GRM7: variants seen among roughly 807,000 people sequenced by gnomAD.
The protein encoded by GRM7 is glutamate metabotropic receptor 7, also known as metabotropic glutamate receptor 7.
In GRM7, 35 loss-of-function variants were observed where a neutral mutation model predicts 84.5. That is an observed-to-expected ratio of 0.41 (90% CI 0.32 to 0.55). GRM7 has a LOEUF of 0.55. Ranked by LOEUF, GRM7 falls within the 20% of genes least tolerant of loss-of-function variation. The probability of loss-of-function intolerance (pLI) is 0.19; values close to 1 mark genes in which losing one functional copy is unlikely to be tolerated. For synonymous variants in GRM7, 487 were observed against 455.1 expected, an observed-to-expected ratio of 1.07 and a Z score of -0.89; for missense variants, 1,003 against 1,194.6, an observed-to-expected ratio of 0.84 and a Z score of 2.36.
chr3:7,721,320 G>A (rs879535395), intron 9 of GRM7, among the ~76,000 whole-genome samples: 4 of 152,160 alleles, frequency 2.6e-5, no homozygotes, highest in Non-Finnish European at 5.9e-5. Flanking sequence ...GTTGTTTTGG[G>A]TGTTGGATAC....
chr3:7,720,077 G>C (rs1250694520), intron 9 of GRM7, among the ~76,000 whole-genome samples: 1 of 152,030 alleles, frequency 6.6e-6, no homozygotes, highest in African/African-American at 2.4e-5. Context: ...CATCACACTG[G>C]ATCCTCCCAA....
intron 1 of GRM7, among the ~76,000 whole-genome samples, chr3:7,033,122 G>T (rs1350740476): frequency 2.0e-5 from 3 of 152,140 alleles, no homozygotes; most frequent in Non-Finnish European, 4.4e-5. Flanking sequence ...TCCTTGATTT[G>T]TAAATGCATC....
chr3:7,248,340 G>T (rs1697851676), intron 2 of GRM7, among the ~76,000 whole-genome samples: 1 of 152,142 alleles, frequency 6.6e-6, no homozygotes, highest in Non-Finnish European at 1.5e-5. Context: ...TTAAACATAT[G>T]TCAGATAAAG....
In GRM7 at chr3:7,537,581, AT is replaced by A. The variant is rs371065225; in HGVS notation, c.1516-40836del. Among the ~76,000 whole-genome samples, 106 of 152,284 alleles carry A rather than the reference AT, an allele frequency of 7.0e-4. 3 individuals carry two copies. In the South Asian group the frequency reaches 0.018, roughly 25 times the overall value. ...TCAATGTAAAGGTCCACAGGCACTT[AT>A]TTTTCATGTTGTGTTTACCAAAACA... On this transcript the variant is annotated intron_variant, in intron 7 of 9. Transcript: ENST00000357716.
chr3:7,155,217 T>C (rs1265980065), intron 2 of GRM7, among the ~76,000 whole-genome samples: 2 of 152,144 alleles, frequency 1.3e-5, no homozygotes, highest in Non-Finnish European at 2.9e-5. Context: ...GTTTGGCTTT[T>C]GGGAAAATAG....
chr3:7,274,428 T>C (rs999469614), intron 2 of GRM7, among the ~76,000 whole-genome samples: 3 of 152,124 alleles, frequency 2.0e-5, no homozygotes, highest in African/African-American at 7.2e-5. Flanking sequence ...TAACATTTTT[T>C]ACAAGGCAGG....
chr3:6,922,985 A>ATTTTC (rs1213553254), intron 1 of GRM7, among the ~76,000 whole-genome samples: 1 of 151,718 alleles, frequency 6.6e-6, no homozygotes, highest in African/African-American at 2.4e-5. Flanking sequence ...TCAAACAAAC[A>ATTTTC]TTTTCTTTTC....
chr3:7,184,304 T>C (rs1265360333), intron 2 of GRM7, among the ~76,000 whole-genome samples: 2 of 152,158 alleles, frequency 1.3e-5, no homozygotes, highest in African/African-American at 4.8e-5. Flanking sequence ...GCCCCTACTG[T>C]GATCTGTTTT....
chr3:6,938,011 T>C (rs1421902222), intron 1 of GRM7, among the ~76,000 whole-genome samples: 1 of 152,180 alleles, frequency 6.6e-6, no homozygotes, highest in East Asian at 1.9e-4. Context: ...GTTAAGAAAT[T>C]GGCTATGATG....
intron 1 of GRM7, among the ~76,000 whole-genome samples, chr3:6,988,686 G>A (rs1694519038): frequency 1.3e-5 from 2 of 152,132 alleles, no homozygotes; most frequent in Admixed American, 6.5e-5. Flanking sequence ...AGAAATTGAA[G>A]CCTTAAAATT....
chr3:7,328,089 A>G (rs769974196), intron 4 of GRM7, among the ~76,000 whole-genome samples: 2 of 152,198 alleles, frequency 1.3e-5, no homozygotes, highest in Non-Finnish European at 2.9e-5. Context: ...ATCCCACTGC[A>G]AAACCAACTA....
intron 2 of GRM7, among the ~76,000 whole-genome samples, chr3:7,202,752 C>T (rs1575026069): frequency 6.6e-6 from 1 of 152,112 alleles, no homozygotes; most frequent in South Asian, 2.1e-4. Context: ...CCTAGATCTT[C>T]GGAGCCAAAA....
At chr3:7,262,247 T>C (rs1037809092) in intron 2 of GRM7, among the ~76,000 whole-genome samples, 2 of 152,118 alleles carry the variant, frequency 1.3e-5, no homozygotes, top group Non-Finnish European at 2.9e-5. Context: ...TTTCTTTCAG[T>C]GACATAATTA....
intron 8 of GRM7, among the ~76,000 whole-genome samples, chr3:7,598,942 C>A (rs1696179053): frequency 6.6e-6 from 1 of 152,042 alleles, no homozygotes; most frequent in African/African-American, 2.4e-5. Context: ...TTAATGAGAC[C>A]AAAGGGCAAG....
chr3:7,099,326 T>TGTACACATGTATTATACATGTATATAA (rs1698979510), intron 1 of GRM7, among the ~76,000 whole-genome samples: 5 of 146,820 alleles, frequency 3.4e-5, no homozygotes, highest in Admixed American at 6.8e-5. Flanking sequence ...CATGTATATA[T>TGTACACATGTATTATACATGTATATAA]GTACACATGT....
At chr3:7,159,804 A>C (rs952881325) in intron 2 of GRM7, among the ~76,000 whole-genome samples, 11 of 152,166 alleles carry the variant, frequency 7.2e-5, no homozygotes, top group South Asian at 4.1e-4. Flanking sequence ...GACGTCTCCT[A>C]CTTTTCAAAA....
intron 8 of GRM7, among the ~76,000 whole-genome samples, chr3:7,612,385 G>C: frequency 6.6e-6 from 1 of 152,128 alleles, no homozygotes; most frequent in South Asian, 2.1e-4. Flanking sequence ...CCAGGCCCTG[G>C]GCTAAGATGT....
At chr3:7,572,636 C>G (rs1239357) in intron 7 of GRM7, among the ~76,000 whole-genome samples, 48,527 of 149,282 alleles carry the variant, frequency 0.33, 8,097 homozygotes, top group African/African-American at 0.38. Context: ...TGGCTAACAC[C>G]GTGAAACCCC....
chr3:7,032,769 T>C (rs1267611153), intron 1 of GRM7, among the ~76,000 whole-genome samples: 1 of 152,206 alleles, frequency 6.6e-6, no homozygotes, highest in African/African-American at 2.4e-5. Context: ...GGGGATCCTT[T>C]GACAATCTTC....
Sources: allele counts gnomAD v4.1 joint callset (sites outside exome capture counted in the v4.1 genomes callset), GRCh38; gene constraint gnomAD v4.1.1; transcripts MANE v1.5; gene names NCBI Gene and HGNC (gene_info 2026-07-23, HGNC 2026-07-21).